The following MBNL1 variants were observed in gnomAD, a reference collection of about 807,000 sequenced individuals.
MBNL1 encodes the protein muscleblind-like protein 1.
MBNL1 carries 8 observed loss-of-function variants against 42.2 expected under a neutral mutation model. That is an observed-to-expected ratio of 0.19 (90% confidence interval 0.11 to 0.34). The LOEUF is 0.34. MBNL1 is among the 10% of genes least tolerant of loss of function. The pLI is 1.00. For synonymous variants in MBNL1, 169 were observed against 173.9 expected, an observed-to-expected ratio of 0.97 and a Z score of 0.22; for missense variants, 309 against 495.3, an observed-to-expected ratio of 0.62 and a Z score of 3.57.
At chr3:152,369,679 A>G (rs2096576955) in intron 2 of MBNL1, among the ~76,000 whole-genome samples, 1 of 152,056 alleles carries the variant, frequency 6.6e-6, no homozygotes, top group African/African-American at 2.4e-5. Flanking sequence ...TTACTGCTTC[A>G]ATTTCAGAAC....
At chr3:152,346,320 A>G (rs2094228485) in intron 2 of MBNL1, among the ~76,000 whole-genome samples, 1 of 152,184 alleles carries the variant, frequency 6.6e-6, no homozygotes. Flanking sequence ...TCTCAATGTC[A>G]TAGAGTCAGA....
chr3:152,323,408 C>G (rs1394896589), intron 2 of MBNL1, among the ~76,000 whole-genome samples: 1 of 151,984 alleles, frequency 6.6e-6, no homozygotes, highest in Non-Finnish European at 1.5e-5. Flanking sequence ...ATAAATATAT[C>G]TGTAGTCACT....
chr3:152,396,690 A>G (rs16846773), intron 2 of MBNL1, among the ~76,000 whole-genome samples: 2,599 of 152,032 alleles, frequency 0.017, 72 homozygotes, highest in African/African-American at 0.059. Context: ...TTGCAGCCCT[A>G]CCTTGACCCT....
chr3:152,306,655 G>A lies in MBNL1; in HGVS notation c.174+6288G>A, dbSNP rs534997699. 2.3e-3 allele frequency among the ~76,000 whole-genome samples: 348 copies of A among 152,234 alleles called. 1 individual carries two copies. The highest frequency in any genetic ancestry group is 4.5e-3 in the Admixed American group (69 of 15,290). On this transcript the variant is annotated intron_variant, in intron 2 of 9. Transcript: ENST00000324210. ...TTTATTATTATTTTAAAAAACTGTT[G>A]CCTTGATTGAAATCAGGAGTCTGGT...
intron 2 of MBNL1, among the ~76,000 whole-genome samples, chr3:152,358,652 T>A (rs1303158612): frequency 2.6e-5 from 4 of 152,166 alleles, no homozygotes; most frequent in African/African-American, 9.6e-5. Context: ...CTTCCCTGAT[T>A]ATGGATTACA....
chr3:152,421,898 C>G (rs960425093), intron 3 of MBNL1, among the ~76,000 whole-genome samples: 13 of 151,958 alleles, frequency 8.6e-5, no homozygotes, highest in African/African-American at 2.4e-4. Flanking sequence ...TTGTCACCAC[C>G]AGGCCTGCCT....
chr3:152,299,939 A>G lies in MBNL1; in HGVS notation c.-255A>G, dbSNP rs1416805255. 1 of 462,704 alleles carries G rather than the reference A, an allele frequency of 2.2e-6. No individual in the cohort carries two copies. Among genetic ancestry groups the G allele is most frequent in the East Asian group, 3.4e-5 (1 of 29,794 alleles). The allele number at this position is 462,704 out of a possible 1,614,324, so 28.7% of individuals were successfully genotyped here. ...TACTTTTAAACGTTCATCTACTTAC[A>G]ATCCTAGTATTTCTCTAAAAACCAA... is the stretch of plus-strand genomic sequence containing the variant. On this transcript the variant is annotated 5_prime_UTR_variant, in exon 2 of 10. Transcript: ENST00000324210.
intron 2 of MBNL1, among the ~76,000 whole-genome samples, chr3:152,315,876 TCTCTCTCTCTCACTC>T (rs1333271806): frequency 2.0e-5 from 3 of 151,398 alleles, no homozygotes; most frequent in East Asian, 3.9e-4. Context: ...ACTCTCTCTC[TCTCTCTCTCTCACTC>T]CTCTCTCTCT....
chr3:152,444,575 T>G (rs1441539356), intron 4 of MBNL1, among the ~76,000 whole-genome samples: 2 of 152,248 alleles, frequency 1.3e-5, no homozygotes, highest in East Asian at 3.8e-4. Flanking sequence ...TACGCTTTAC[T>G]GATCTAAATA....
At chr3:152,247,070 T>C (rs185145432) in intron 2 of MBNL1, among the ~76,000 whole-genome samples, 206 of 152,310 alleles carry the variant, frequency 1.4e-3, no homozygotes, top group African/African-American at 4.6e-3. Flanking sequence ...ATTTAGTTTT[T>C]GTTTAGCTGT....
At chr3:152,273,268 T>C (rs1011853858) in intron 1 of MBNL1, among the ~76,000 whole-genome samples, 2 of 152,250 alleles carry the variant, frequency 1.3e-5, no homozygotes, top group African/African-American at 4.8e-5. Flanking sequence ...ACATATTTTT[T>C]ATTTTTAAAT....
chr3:152,268,802 G>A (rs939359686), upstream of MBNL1: 1 of 454,212 alleles, frequency 2.2e-6, no homozygotes, highest in Non-Finnish European at 4.4e-6. Flanking sequence ...TCTCGCCGCC[G>A]CGTGCATTAG....
chr3:152,267,341 C>T (rs1221230199), upstream of MBNL1: 3 of 152,474 alleles, frequency 2.0e-5, no homozygotes, highest in Admixed American at 6.5e-5. Flanking sequence ...TCCTCAGAGC[C>T]CTCATTGGAT....
At chr3:152,309,535 T>G (rs972732945) in intron 2 of MBNL1, among the ~76,000 whole-genome samples, 1 of 152,202 alleles carries the variant, frequency 6.6e-6, no homozygotes, top group African/African-American at 2.4e-5. Context: ...AAGTCCAGGC[T>G]GTTCTCAAAT....
At chr3:152,307,189 C>T (rs1313517957) in intron 2 of MBNL1, among the ~76,000 whole-genome samples, 4 of 152,142 alleles carry the variant, frequency 2.6e-5, no homozygotes, top group East Asian at 1.9e-4. Context: ...AGGGTTTCAC[C>T]GTGTTGGCCA....
chr3:152,452,427 T>C (rs182158277), intron 6 of MBNL1, among the ~76,000 whole-genome samples: 1 of 152,278 alleles, frequency 6.6e-6, no homozygotes, highest in African/African-American at 2.4e-5. Flanking sequence ...CTTACCTCAA[T>C]GTGAGGTCCT....
chr3:152,299,274 ATG>A (rs2059860086), intron 1 of MBNL1, 129 bp from the exon 2 acceptor site: 1 of 157,398 alleles, frequency 6.4e-6, no homozygotes, highest in Non-Finnish European at 1.4e-5. Context: ...TTGTGTATGT[ATG>A]TGTGGGAGAG....
At chr3:152,248,722 T>A (rs890559444) in intron 2 of MBNL1, among the ~76,000 whole-genome samples, 1 of 152,048 alleles carries the variant, frequency 6.6e-6, no homozygotes, top group Non-Finnish European at 1.5e-5. Context: ...ACCCATTAAC[T>A]CATCATTTAG....
At chr3:152,454,663 T>C (rs974996039) in intron 6 of MBNL1, among the ~76,000 whole-genome samples, 1 of 152,168 alleles carries the variant, frequency 6.6e-6, no homozygotes, top group African/African-American at 2.4e-5. Flanking sequence ...ACCCCATATG[T>C]GATGTATGTA....
Sources: allele counts gnomAD v4.1 joint callset (sites outside exome capture counted in the v4.1 genomes callset), GRCh38; gene constraint gnomAD v4.1.1; transcripts MANE v1.5; gene names NCBI Gene and HGNC (gene_info 2026-07-23, HGNC 2026-07-21).